The following PPP2R1B variants were observed in gnomAD, a reference collection of about 807,000 sequenced individuals.
The protein encoded by PPP2R1B is protein phosphatase 2 scaffold subunit Abeta.
PPP2R1B carries 58 observed loss-of-function variants against 72.7 expected under a neutral mutation model. The ratio of observed to expected loss-of-function variants is 0.80; its 90% CI spans 0.65 to 0.99. The LOEUF (loss-of-function observed/expected upper bound fraction) is 0.99, where lower values mean the gene tolerates loss of function less well. Among genes scored for constraint, PPP2R1B ranks in the 50% least tolerant of loss-of-function variants. The pLI, the probability that PPP2R1B is intolerant of heterozygous loss-of-function variation, is 0.00. For missense variants in PPP2R1B, 695 were observed against 733.6 expected, an observed-to-expected ratio of 0.95 and a Z score of 0.61; for synonymous variants, 256 against 264.6, an observed-to-expected ratio of 0.97 and a Z score of 0.32.
intron 10 of PPP2R1B, among the ~76,000 whole-genome samples, chr11:111,750,127 G>GT (rs1555047436): frequency 6.6e-6 from 1 of 152,104 alleles, no homozygotes; most frequent in African/African-American, 2.4e-5. Context: ...CAAAGAATCG[G>GT]ACACTTTCAA....
chr11:111,753,043 GT>G (rs1181161537), intron 9 of PPP2R1B, among the ~76,000 whole-genome samples: 1 of 152,140 alleles, frequency 6.6e-6, no homozygotes, highest in Non-Finnish European at 1.5e-5. Flanking sequence ...AGAATTGCAT[GT>G]AAAAATACAT....
At position 111,738,769 on chromosome 11, in the gene PPP2R1B, C is replaced by T; in HGVS notation, c.*2827G>A. The stretch of plus-strand genomic sequence containing the variant: ...CTTCTTGGTAGCACAGAGAGAGAAA[C>T]AAGACCTGGTCTCTTAAACCTGTGA... On this transcript the variant is annotated 3_prime_UTR_variant, in exon 15 of 15. Transcript: ENST00000527614. 2 of 985,394 alleles carry T rather than the reference C, an allele frequency of 2.0e-6. No individual in the cohort carries two copies. 61.0% of individuals were successfully genotyped at this position (985,394 alleles called of 1,614,324 possible).
At chr11:111,754,169 A>G (rs1945015464) in intron 8 of PPP2R1B, among the ~76,000 whole-genome samples, 1 of 152,110 alleles carries the variant, frequency 6.6e-6, no homozygotes, top group Non-Finnish European at 1.5e-5. Context: ...CTCCCACCTC[A>G]GCGTCCCAAA....
At chr11:111,688,646 C>T in the PPP2R1B span, among the ~76,000 whole-genome samples, 170 of 152,318 alleles carry the variant, frequency 1.1e-3, no homozygotes, top group Middle Eastern at 3.4e-3. This position sits in a 1 kb window ranked among gnomAD's most constrained non-coding sequence, Gnocchi z 4.2. Flanking sequence ...TGATTTATAA[C>T]ATGAAAATTA....
chr11:111,717,919 G>T, the PPP2R1B span, among the ~76,000 whole-genome samples: 4 of 152,114 alleles, frequency 2.6e-5, no homozygotes, highest in East Asian at 3.8e-4. Flanking sequence ...GGCCTGTTAG[G>T]GGGGCAATGG....
rs782631283 is a variant in PPP2R1B, at chr11:111,755,470, G to T, written c.688-20C>A. ...TGAATCCTAAAGGAACAAAATTTCT[G>T]TAATTCAGACATTTACTGAGACCCA... On this transcript the variant is annotated intron_variant, in intron 5 of 14. Coordinates refer to ENST00000527614, the MANE Select transcript of PPP2R1B (RefSeq NM_002716.5). 2.5e-6 allele frequency: 4 copies of T among 1,586,612 alleles called. No individual in the cohort carries two copies. In the Admixed American group the frequency reaches 7.6e-5, roughly 30 times the overall value.
Position 111,765,971 on chromosome 11 carries a change from A to C in PPP2R1B, c.114+277T>G, listed in dbSNP as rs1422095588. ...ACCTCACGGCCCGGATGGGGCGCCC[A>C]GGCGGGAAGCGGGTTCCCCGACAAC... On this transcript the variant is annotated intron_variant, in intron 1 of 14. Coordinates refer to ENST00000527614, the MANE Select transcript of PPP2R1B (RefSeq NM_002716.5). The C allele has an allele frequency of 3.2e-5, 18 of 568,100 alleles. No homozygotes were observed. In the East Asian group the frequency reaches 6.8e-4, roughly 21 times the overall value. 35.2% of individuals were successfully genotyped at this position (568,100 alleles called of 1,614,324 possible). A position where few individuals can be genotyped will look rare whatever the true frequency, so the allele number is the denominator to read the frequency against.
At chr11:111,696,119 T>G in the PPP2R1B span, among the ~76,000 whole-genome samples, 1 of 152,198 alleles carries the variant, frequency 6.6e-6, no homozygotes, top group Non-Finnish European at 1.5e-5. Flanking sequence ...AATTAAAGAC[T>G]CTACCCCTAA....
At chr11:111,754,658 T>C in intron 7 of PPP2R1B, 89 bp from the exon 8 acceptor site, 2 of 1,502,318 alleles carry the variant, frequency 1.3e-6, no homozygotes, top group Non-Finnish European at 1.8e-6. Context: ...ATCAATAATT[T>C]CAATTAAATT....
At position 111,760,679 on chromosome 11, in the gene PPP2R1B, C is replaced by A. The variant is rs181811681; in HGVS notation, c.539+140G>T. The A allele has an allele frequency of 1.5e-5, 11 of 719,712 alleles. No individual in the cohort carries two copies. The East Asian group carries it at 3.0e-4, about 20-fold the overall frequency. 44.6% of individuals were successfully genotyped at this position (719,712 alleles called of 1,614,324 possible). A position where few individuals can be genotyped will look rare whatever the true frequency, so the allele number is the denominator to read the frequency against. ...AAAAAAAAAGAAAGATGTCATAAAT[C>A]CTACTATCCTAGTATCAGCCACTCA... On this transcript the variant is annotated intron_variant, in intron 4 of 14. Transcript: ENST00000527614.
rs567937504 is a variant in PPP2R1B, at chr11:111,752,140, T to C, written c.1338+19A>G. The C allele has an allele frequency of 5.7e-6, 9 of 1,585,584 alleles. No individual in the cohort carries two copies. In the African/African-American group the frequency reaches 9.4e-5, roughly 17 times the overall value. ...CTATCTGACACTACCCTGCAGTTCA[T>C]GGAGCAACACATACTCACCAGCTGG... On this transcript the variant is annotated intron_variant, in intron 10 of 14. Coordinates refer to ENST00000527614, the MANE Select transcript of PPP2R1B (RefSeq NM_002716.5).
In PPP2R1B at chr11:111,764,214, C is replaced by CT. The variant is rs369985121; in HGVS notation, c.306+590dup. Among the ~76,000 whole-genome samples the CT allele has an allele frequency of 8.6e-4, 124 of 143,374 alleles. 1 individual carries two copies. The highest frequency in any genetic ancestry group is 4.3e-3 in the East Asian group (21 of 4,940). 94.1% of individuals were successfully genotyped at this position (143,374 alleles called of 152,430 possible). ...ACCTCATTAGATTCATTTTGGTGGT[C>CT]TTTTTTTTTTTTTAAGAGATGGGGG... On this transcript the variant is annotated intron_variant, in intron 3 of 14. Transcript: ENST00000527614.
chr11:111,734,670 C>G (rs1362388534), downstream of PPP2R1B, among the ~76,000 whole-genome samples: 2 of 152,232 alleles, frequency 1.3e-5, no homozygotes, highest in Non-Finnish European at 1.5e-5. Flanking sequence ...GGGCTTTGGT[C>G]TTTGTCATCA....
chr11:111,726,622 T>A (rs902918781), downstream of PPP2R1B: 1 of 259,928 alleles, frequency 3.8e-6, no homozygotes, highest in African/African-American at 2.2e-5. Context: ...AGTCAGGTGT[T>A]TGCTCAGCCC....
rs151299858 is a variant in PPP2R1B at position 111,752,269 on chromosome 11, G to C, written c.1228C>G (p.Arg410Gly). 6.2e-7 allele frequency: 1 copy of C among 1,614,038 alleles called. No homozygotes were observed. The highest frequency in any genetic ancestry group is 8.5e-7 in the Non-Finnish European group (1 of 1,179,986). Residue 410 changes from arginine to glycine, a missense_variant, in exon 10 of 15, where the codon CGT becomes GGT. By Grantham distance (125) the Arg-to-Gly change is moderately radical (BLOSUM62 -2). Transcript: ENST00000527614. ...LDCVNEVIGIRQLSQSLLPAI... is the reference protein window; with the variant it reads ...LDCVNEVIGIGQLSQSLLPAI... ...GGAAGGAGAGACTGAGAGAGCTGAC[G>C]GATTCCAATCACTTCATTTACACAA...
rs1390973281 is a variant in PPP2R1B, at chr11:111,737,937, G to A, written c.*3659C>T. 3.7e-5 allele frequency: 39 copies of A among 1,041,378 alleles called. No homozygotes were observed. The Admixed American group carries it at 1.1e-3, about 28-fold the overall frequency. 64.5% of individuals were successfully genotyped at this position (1,041,378 alleles called of 1,614,324 possible). A position where few individuals can be genotyped will look rare whatever the true frequency, so the allele number is the denominator to read the frequency against. On this transcript the variant is annotated 3_prime_UTR_variant, in exon 15 of 15. Transcript: ENST00000527614. ...GGAGACAGAAATGGCTTGGCTTTCC[G>A]ACGCAATGAGTAATTAAACTCTATT...
chr11:111,719,715 T>C, the PPP2R1B span: 7 of 1,519,064 alleles, frequency 4.6e-6, no homozygotes, highest in African/African-American at 8.3e-5. Flanking sequence ...TGTTTTCCTT[T>C]GTGGATTTTT....
the PPP2R1B span, among the ~76,000 whole-genome samples, chr11:111,692,041 C>T: frequency 1.5e-4 from 23 of 151,636 alleles, no homozygotes; most frequent in Middle Eastern, 3.2e-3. Flanking sequence ...GATTGGGGAT[C>T]GGGGAGACAG....
the PPP2R1B span, among the ~76,000 whole-genome samples, chr11:111,690,850 A>C: frequency 6.6e-6 from 1 of 152,198 alleles, no homozygotes; most frequent in African/African-American, 2.4e-5. Context: ...TGCTGTATCC[A>C]GTCTATCATT....
Sources: allele counts gnomAD v4.1 joint callset (sites outside exome capture counted in the v4.1 genomes callset), GRCh38; gene constraint gnomAD v4.1.1; non-coding constraint Gnocchi (gnomAD v3.1); transcripts MANE v1.5; gene names NCBI Gene and HGNC (gene_info 2026-07-23, HGNC 2026-07-21).